NPM1: variants seen among roughly 807,000 people sequenced by gnomAD.
NPM1 encodes nucleophosmin.
NPM1 carries 1 observed loss-of-function variant against 44.1 expected under a neutral mutation model. The ratio of observed to expected loss-of-function variants is 0.02; its 90% CI spans 0.01 to 0.11. The LOEUF (loss-of-function observed/expected upper bound fraction) is 0.11. NPM1 is among the 10% of genes least tolerant of loss of function. NPM1 has a pLI of 1.00. For synonymous variants in NPM1, 126 were observed against 111.8 expected (o/e 1.13, Z -0.80); for missense variants, 197 against 347.8 (o/e 0.57, Z 3.45).
intron 9 of NPM1, chr5:171,406,360 ATTT>A (rs1401087593): frequency 1.9e-6 from 3 of 1,585,958 alleles, no homozygotes; most frequent in Non-Finnish European, 2.6e-6. Flanking sequence ...CCTCCCCTCC[ATTT>A]TAATATGGTC....
intron 2 of NPM1, 123 bp from the exon 3 acceptor site, chr5:171,391,182 C>A: frequency 9.0e-7 from 1 of 1,112,224 alleles, no homozygotes. Flanking sequence ...AATTGTCTAA[C>A]AACACATTTC....
intron 6 of NPM1, among the ~76,000 whole-genome samples, chr5:171,393,921 C>T (rs993691040): frequency 2.0e-5 from 3 of 152,028 alleles, no homozygotes; most frequent in African/African-American, 4.8e-5. Flanking sequence ...TGAGGCCAGC[C>T]CGGTCAAAAT....
At position 171,389,231 on chromosome 5, in the gene NPM1, A is replaced by G. The variant is rs112630911; in HGVS notation, c.59-820A>G. On this transcript the variant is annotated intron_variant, in intron 1 of 10. Coordinates refer to ENST00000296930, the MANE Select transcript of NPM1 (RefSeq NM_002520.7). ...AAATGCAAATCCTACCGTGAATTTT[A>G]TCTTGTTCATTATCCGTGCTGAGAT... Among the ~76,000 whole-genome samples, 578 of 152,292 alleles carry G rather than the reference A, an allele frequency of 3.8e-3. 3 individuals carry two copies. The highest frequency in any genetic ancestry group is 0.011 in the African/African-American group (464 of 41,562).
intron 9 of NPM1, 129 bp downstream of exon 9, chr5:171,405,532 G>T: frequency 3.1e-6 from 2 of 638,120 alleles, no homozygotes; most frequent in Non-Finnish European, 5.6e-6. Flanking sequence ...TTCGTGGTAT[G>T]AATTTTTTCA....
intron 8 of NPM1, among the ~76,000 whole-genome samples, chr5:171,403,685 G>T (rs1215916214): frequency 2.7e-5 from 4 of 147,438 alleles, no homozygotes; most frequent in Non-Finnish European, 4.5e-5. Flanking sequence ...CCAGGCGGGG[G>T]GCTGACCCCC....
chr5:171,390,022 G>C (rs748561460), intron 1 of NPM1, 29 bp from the exon 2 acceptor site: 1 of 1,377,116 alleles, frequency 7.3e-7, no homozygotes, highest in Admixed American at 2.0e-5. Context: ...TTTTCTCCTT[G>C]TTAGAGTTGC....
At chr5:171,400,081 G>A in intron 6 of NPM1, 72 bp from the exon 7 acceptor site, 1 of 879,718 alleles carries the variant, frequency 1.1e-6, no homozygotes, top group Non-Finnish European at 1.9e-6. Context: ...ATCACTTCAA[G>A]GTCCTGCTTT....
At chr5:171,393,406 A>AT in intron 6 of NPM1, among the ~76,000 whole-genome samples, 1 of 152,322 alleles carries the variant, frequency 6.6e-6, no homozygotes, top group South Asian at 2.1e-4. Flanking sequence ...CCCTAAAAGG[A>AT]TTTTGTCTTA....
chr5:171,391,901 T>A, intron 4 of NPM1, 102 bp downstream of exon 4: 1 of 594,666 alleles, frequency 1.7e-6, no homozygotes, highest in South Asian at 2.4e-5. Flanking sequence ...CTACTGTCTT[T>A]TTAATAGGTT....
chr5:171,396,548 A>G (rs1380735986), intron 6 of NPM1, among the ~76,000 whole-genome samples: 1 of 152,188 alleles, frequency 6.6e-6, no homozygotes. Context: ...TATTGGAAAG[A>G]TAGGTGTTTC....
In NPM1 at chr5:171,400,460, CTT is replaced by C. The variant is rs199784076; in HGVS notation, c.582+265_582+266del. Among the ~76,000 whole-genome samples the C allele has an allele frequency of 0.36, 49,384 of 138,270 alleles. 8,245 individuals are homozygous for C. The highest frequency in any genetic ancestry group is 0.53 in the East Asian group (2,486 of 4,700). The allele number at this position is 138,270 out of a possible 152,430, so 90.7% of individuals were successfully genotyped here. A position where few individuals can be genotyped will look rare whatever the true frequency, so the allele number is the denominator to read the frequency against. ...CCAAGTGGTTGCTGCTTTTTCCTTC[CTT>C]TTTTTTTTTTTTTTGAGACGGAGTC... is the stretch of plus-strand genomic sequence containing the variant. On this transcript the variant is annotated intron_variant, in intron 7 of 10. Coordinates refer to ENST00000296930, the MANE Select transcript of NPM1 (RefSeq NM_002520.7).
At chr5:171,410,428 T>G in intron 10 of NPM1, 99 bp from the exon 11 acceptor site, 3 of 680,830 alleles carry the variant, frequency 4.4e-6, no homozygotes, top group South Asian at 4.7e-5. Flanking sequence ...GGTGGTAGAA[T>G]GAAAAATAGA....
intron 9 of NPM1, among the ~76,000 whole-genome samples, chr5:171,407,299 T>G (rs891603718): frequency 6.6e-6 from 1 of 152,242 alleles, no homozygotes; most frequent in Non-Finnish European, 1.5e-5. Context: ...TGTTTGTTTG[T>G]TTTTAAAGAA....
At chr5:171,398,307 A>C (rs1771017481) in intron 6 of NPM1, among the ~76,000 whole-genome samples, 1 of 152,126 alleles carries the variant, frequency 6.6e-6, no homozygotes, top group African/African-American at 2.4e-5. Flanking sequence ...TGCCCCCTTA[A>C]TTCTGAGTTT....
intron 10 of NPM1, among the ~76,000 whole-genome samples, chr5:171,410,150 AT>A (rs1393430733): frequency 6.6e-6 from 1 of 152,222 alleles, no homozygotes; most frequent in Non-Finnish European, 1.5e-5. Context: ...TGCACAGGCA[AT>A]TCAGAATAAG....
intron 6 of NPM1, among the ~76,000 whole-genome samples, chr5:171,393,223 A>C (rs190327811): frequency 1.3e-5 from 2 of 152,176 alleles, no homozygotes; most frequent in African/African-American, 4.8e-5. Context: ...AGGGTAGACT[A>C]TAGTGTTTGT....
At chr5:171,388,766 A>T (rs1252715686) in intron 1 of NPM1, among the ~76,000 whole-genome samples, 2 of 152,128 alleles carry the variant, frequency 1.3e-5, no homozygotes, top group East Asian at 1.9e-4. Flanking sequence ...GGCAGCTCTC[A>T]TTTTTTTGAG....
At chr5:171,406,419 C>G in intron 9 of NPM1, 1 of 1,612,502 alleles carries the variant, frequency 6.2e-7, no homozygotes, top group African/African-American at 1.3e-5. Context: ...GTCCTGGGCA[C>G]TACATGTAAA....
At chr5:171,388,405 T>C (rs1770382541) in intron 1 of NPM1, among the ~76,000 whole-genome samples, 1 of 152,138 alleles carries the variant, frequency 6.6e-6, no homozygotes, top group African/African-American at 2.4e-5. Context: ...GGAGGCTGGG[T>C]TCACCGGGAA....
Sources: allele counts gnomAD v4.1 joint callset (sites outside exome capture counted in the v4.1 genomes callset), GRCh38; gene constraint gnomAD v4.1.1; transcripts MANE v1.5; gene names NCBI Gene and HGNC (gene_info 2026-07-23, HGNC 2026-07-21).